The following MARCO variants were observed in gnomAD, a reference collection of about 807,000 sequenced individuals.
MARCO encodes the protein macrophage receptor with collagenous structure.
In MARCO, 72 loss-of-function variants were observed where a neutral mutation model predicts 70.0. That is an observed-to-expected ratio of 1.03 (90% CI 0.85 to 1.25). MARCO has a LOEUF of 1.25. Among genes scored for constraint, MARCO ranks in the 50% most tolerant of loss-of-function variants. The probability of loss-of-function intolerance (pLI) is 0.00; values close to 1 mark genes in which losing one functional copy is unlikely to be tolerated. For missense variants in MARCO, 696 were observed against 659.3 expected (o/e 1.06, Z -0.61); for synonymous variants, 273 against 243.1 (o/e 1.12, Z -1.14).
intron 6 of MARCO, among the ~76,000 whole-genome samples, chr2:118,975,139 T>G (rs1327350402): frequency 6.6e-6 from 1 of 152,132 alleles, no homozygotes; most frequent in Non-Finnish European, 1.5e-5. Context: ...GCCATCTTAT[T>G]AATATAAATG....
intron 12 of MARCO, among the ~76,000 whole-genome samples, chr2:118,988,269 AG>A (rs1409743716): frequency 6.6e-6 from 1 of 152,060 alleles, no homozygotes; most frequent in Non-Finnish European, 1.5e-5. Flanking sequence ...CCTGGTGAAC[AG>A]GGGCTTCCCT....
intron 12 of MARCO, among the ~76,000 whole-genome samples, chr2:118,986,899 T>C (rs1466037375): frequency 6.6e-6 from 1 of 152,142 alleles, no homozygotes; most frequent in Non-Finnish European, 1.5e-5. Flanking sequence ...CCTGACTAGC[T>C]GAGTGACCAC....
At chr2:118,963,883 G>A (rs1679994902) in intron 1 of MARCO, among the ~76,000 whole-genome samples, 1 of 151,920 alleles carries the variant, frequency 6.6e-6, no homozygotes, top group Admixed American at 6.6e-5. Context: ...GCTTAAATTG[G>A]CCATCTTATT....
intron 12 of MARCO, among the ~76,000 whole-genome samples, chr2:118,986,536 AAGAG>A (rs201823074): frequency 9.2e-6 from 1 of 108,826 alleles, no homozygotes; most frequent in Admixed American, 8.6e-5. Context: ...GAAAGAAAGA[AAGAG>A]AGAGAGAGGA....
intron 1 of MARCO, among the ~76,000 whole-genome samples, chr2:118,966,406 G>A (rs1015396884): frequency 6.6e-6 from 1 of 152,090 alleles, no homozygotes; most frequent in Non-Finnish European, 1.5e-5. Context: ...TTTCTTTATA[G>A]TTTCTTCTAC....
Position 118,981,458 on chromosome 2 carries a change from T to A in MARCO, c.816T>A (p.Pro272=). 6.3e-7 allele frequency: 1 copy of A among 1,596,170 alleles called. No individual in the cohort carries two copies. The highest frequency in any genetic ancestry group is 8.5e-7 in the Non-Finnish European group (1 of 1,176,012). Residue 272 remains proline, a synonymous_variant, in exon 9 of 17, where the codon CCT becomes CCA. Coordinates refer to ENST00000327097, the MANE Select transcript of MARCO (RefSeq NM_006770.4). The stretch of plus-strand genomic sequence containing the variant: ...AAGGAGATGCAGGGGTCATGGGGCC[T>A]CCTGGAGCCCAGGGGAGTAAAGGTG... ...GMKGDAGVMG[P]PGAQGSKGDF... is the part of the protein sequence containing the mutation.
chr2:118,943,074 A>G (rs1357374642), intron 1 of MARCO, among the ~76,000 whole-genome samples: 1 of 152,192 alleles, frequency 6.6e-6, no homozygotes. Flanking sequence ...CTGATTTCCT[A>G]GTCTAGAACG....
In MARCO at chr2:118,981,666, A is replaced by G. The variant is rs1180910389; in HGVS notation, c.901+10A>G. 2.2e-5 allele frequency: 35 copies of G among 1,613,148 alleles called. No individual in the cohort carries two copies. In the Admixed American group the frequency reaches 4.8e-4, roughly 22 times the overall value. ...GCTAAAGGAGATCAAGGTAAGAACT[A>G]CAGGAATCTGGGCATCATCCCAGCT... On this transcript the variant is annotated intron_variant, in intron 10 of 16. Transcript: ENST00000327097.
At chr2:118,989,608 T>G (rs1320184794) in intron 12 of MARCO, among the ~76,000 whole-genome samples, 1 of 152,180 alleles carries the variant, frequency 6.6e-6, no homozygotes, top group African/African-American at 2.4e-5. Flanking sequence ...ACCAGCACAC[T>G]GCAGGTGCTT....
chr2:118,987,984 C>T lies in MARCO; in HGVS notation c.1064-2605C>T, dbSNP rs181686813. 1.6e-3 allele frequency among the ~76,000 whole-genome samples: 251 copies of T among 152,292 alleles called. 4 individuals carry two copies. Among genetic ancestry groups the T allele is most frequent in the Admixed American group, 0.015 (231 of 15,294 alleles). On this transcript the variant is annotated intron_variant, in intron 12 of 16. Coordinates refer to ENST00000327097, the MANE Select transcript of MARCO (RefSeq NM_006770.4). ...CTTCAGGGAACATTGGGAGGCTGGG[C>T]CTGGGTGACAGCCCCAACTTCCCCC...
At chr2:118,973,198 A>C (rs6747110) in intron 4 of MARCO, among the ~76,000 whole-genome samples, 7,693 of 149,560 alleles carry the variant, frequency 0.051, 667 homozygotes, top group African/African-American at 0.18. Context: ...GAAAAACTCC[A>C]ACTCTCTCTC....
rs1196690835 is a variant in MARCO at position 118,986,732 on chromosome 2, AAGAAAGAGAAAGAAAG to A, written c.1064-3849_1064-3834del. Among the ~76,000 whole-genome samples, 12 of 149,374 alleles carry A rather than the reference AAGAAAGAGAAAGAAAG, an allele frequency of 8.0e-5. 1 individual carries two copies. Among genetic ancestry groups the A allele is most frequent in the Admixed American group, 3.3e-4 (5 of 15,024 alleles). On this transcript the variant is annotated intron_variant, in intron 12 of 16. Coordinates refer to ENST00000327097, the MANE Select transcript of MARCO (RefSeq NM_006770.4). The stretch of plus-strand genomic sequence containing the variant: ...AAGAAAGAAAGAAAGAAAAGAAAGA[AAGAAAGAGAAAGAAAG>A]AGAAAGAAAGAAGAAAGAAAGAAAA...
chr2:118,984,005 A>T (rs1169836803), intron 12 of MARCO, among the ~76,000 whole-genome samples: 1 of 152,208 alleles, frequency 6.6e-6, no homozygotes, highest in African/African-American at 2.4e-5. Flanking sequence ...GCTAATGAGC[A>T]TCTTCTTGAC....
intron 6 of MARCO, 102 bp from the exon 7 acceptor site, chr2:118,977,369 G>T: frequency 1.1e-6 from 1 of 936,552 alleles, no homozygotes. Context: ...ATCTCCTTCT[G>T]GGAACCTTGC....
chr2:118,983,151 T>C (rs1680426536), intron 12 of MARCO, among the ~76,000 whole-genome samples: 1 of 152,148 alleles, frequency 6.6e-6, no homozygotes, highest in African/African-American at 2.4e-5. Context: ...CTGTTGCACA[T>C]TGGAAAGCCA....
chr2:118,992,914 G>A (rs1680649292), intron 15 of MARCO: 1 of 540,620 alleles, frequency 1.8e-6, no homozygotes, highest in African/African-American at 1.9e-5. Flanking sequence ...TGCCCCTGTG[G>A]CCTTGTGCCT....
At chr2:118,957,899 T>A (rs1156263730) in intron 1 of MARCO, among the ~76,000 whole-genome samples, 4 of 151,692 alleles carry the variant, frequency 2.6e-5, no homozygotes, top group African/African-American at 9.7e-5. Flanking sequence ...AAAACAAAAA[T>A]CACATGATCA....
Position 118,974,344 on chromosome 2 carries a change from C to A in MARCO, c.472C>A (p.His158Asn), listed in dbSNP as rs199515172. Reference protein sequence around the residue: ...GEQGAPGLQGHKGAMGMPGAP... With the variant: ...GEQGAPGLQGNKGAMGMPGAP... ...TTCCTCTTCCTCAGGTCTTCAAGGT[C>A]ACAAGGGGGCCATGGGCATGCCTGG... Residue 158 changes from histidine (H) to asparagine (N), a missense_variant, in exon 5 of 17, where the codon CAC becomes AAC. Around this residue, in one of 3 missense-constraint regions of MARCO, gnomAD observed 605 missense variants for 537.6 expected, o/e 1.13. Coordinates refer to ENST00000327097, the MANE Select transcript of MARCO (RefSeq NM_006770.4). The A allele has an allele frequency of 1.0e-4, 168 of 1,600,104 alleles. No individual in the cohort carries two copies. The highest frequency in any genetic ancestry group is 1.6e-4 in the Middle Eastern group (1 of 6,066).
intron 3 of MARCO, 86 bp downstream of exon 3, chr2:118,970,424 G>A: frequency 1.9e-6 from 2 of 1,078,160 alleles, no homozygotes; most frequent in Non-Finnish European, 2.7e-6. Context: ...TAAGGACCCT[G>A]TCCAAGCAAA....
Sources: gnomAD v4.1 joint callset for allele counts (sites outside exome capture counted in the v4.1 genomes callset) on GRCh38, gnomAD v4.1.1 for gene constraint, gnomAD v4.1.1 regional missense constraint, MANE v1.5 for transcripts, NCBI Gene and HGNC (gene_info 2026-07-23, HGNC 2026-07-21) for gene names.